EXOSC6: variants seen among roughly 807,000 people sequenced by gnomAD.
The protein encoded by EXOSC6 is exosome component 6.
A neutral mutation model predicts 16.7 loss-of-function variants in EXOSC6; 21 were observed. The observed-to-expected ratio is 1.26, with a 90% CI of 0.89 to 1.82. EXOSC6 has a LOEUF of 1.82. Ranked by LOEUF, EXOSC6 falls within the 40% of genes most tolerant of loss-of-function variation. The probability of loss-of-function intolerance (pLI) is 0.00; values close to 1 mark genes in which losing one functional copy is unlikely to be tolerated. For synonymous variants in EXOSC6, 297 were observed against 217.1 expected, an observed-to-expected ratio of 1.37 and a Z score of -3.24; for missense variants, 538 against 415.7, an observed-to-expected ratio of 1.29 and a Z score of -2.56.
In EXOSC6 at chr16:70,250,874, G is replaced by C. The variant is rs1230894830; in HGVS notation, c.*208C>G. 2.1e-5 allele frequency: 11 copies of C among 515,138 alleles called. No individual in the cohort carries two copies. Among genetic ancestry groups the C allele is most frequent in the Non-Finnish European group, 3.1e-5 (10 of 319,800 alleles). The allele number at this position is 515,138 out of a possible 1,614,324, so 31.9% of individuals were successfully genotyped here. A position where few individuals can be genotyped will look rare whatever the true frequency, so the allele number is the denominator to read the frequency against. On this transcript the variant is annotated 3_prime_UTR_variant, in exon 1 of 1. Coordinates refer to ENST00000435634, the MANE Select transcript of EXOSC6 (RefSeq NM_058219.3). ...AGCTCCACCACAAGCGCAGCTCCAG[G>C]GGCTGTTGAGTTTTGCCTTTATCAT...
chr16:70,247,368 T>A lies in EXOSC6; in HGVS notation c.*3714A>T, dbSNP rs547081444. The A allele has an allele frequency of 6.6e-5, 10 of 152,664 alleles. No homozygotes were observed. The highest frequency in any genetic ancestry group is 8.8e-5 in the Non-Finnish European group (6 of 68,340). The allele number at this position is 152,664 out of a possible 1,614,324, so 9.5% of individuals were successfully genotyped here. On this transcript the variant is annotated 3_prime_UTR_variant, in exon 1 of 1. Coordinates refer to ENST00000435634, the MANE Select transcript of EXOSC6 (RefSeq NM_058219.3). ...TAACATTAGTCCTTAATAACATCTG[T>A]TTACAATATCCCTAAATGCTCTCTT...
chr16:70,248,771 C>CTTTTTTTTTTTTTTT lies in EXOSC6; in HGVS notation c.*2296_*2310dup, dbSNP rs35401075. The CTTTTTTTTTTTTTTT allele has an allele frequency of 1.0e-5, 1 of 98,134 alleles. No homozygotes were observed. The highest frequency in any genetic ancestry group is 2.1e-5 in the Non-Finnish European group (1 of 47,484). The allele number at this position is 98,134 out of a possible 1,614,324, so 6.1% of individuals were successfully genotyped here. A position where few individuals can be genotyped will look rare whatever the true frequency, so the allele number is the denominator to read the frequency against. ...CACCATGCCTGACTTATTTTTTTTC[C>CTTTTTTTTTTTTTTT]TTTTTTTTTTTTTTTTTTTTTTTTG... On this transcript the variant is annotated 3_prime_UTR_variant, in exon 1 of 1. Transcript: ENST00000435634.
rs1000234239 is a variant in EXOSC6, at chr16:70,248,139, C to T, written c.*2943G>A. 2 of 152,134 alleles carry T rather than the reference C, an allele frequency of 1.3e-5. No homozygotes were observed. Among genetic ancestry groups the T allele is most frequent in the African/African-American group, 2.4e-5 (1 of 41,440 alleles). The allele number at this position is 152,134 out of a possible 1,614,324, so 9.4% of individuals were successfully genotyped here. On this transcript the variant is annotated 3_prime_UTR_variant, in exon 1 of 1. Transcript: ENST00000435634. ...GGCACAGACTATCAATGCTAAAAATCATTTAAAAGACATCTTAGGGGTAAT... is the reference window on the plus strand; with the variant it reads ...GGCACAGACTATCAATGCTAAAAATTATTTAAAAGACATCTTAGGGGTAAT...
chr16:70,250,149 TTA>T lies in EXOSC6; in HGVS notation c.*931_*932del, dbSNP rs1959774425. On this transcript the variant is annotated 3_prime_UTR_variant, in exon 1 of 1. Coordinates refer to ENST00000435634, the MANE Select transcript of EXOSC6 (RefSeq NM_058219.3). ...AATAATAATAATAATAATAATGGTT[TTA>T]TATATATGCATACACAAGCAAAGCC... The T allele has an allele frequency of 6.6e-6, 1 of 151,632 alleles. No homozygotes were observed. Among genetic ancestry groups the T allele is most frequent in the South Asian group, 2.1e-4 (1 of 4,810 alleles). 9.4% of individuals were successfully genotyped at this position (151,632 alleles called of 1,614,324 possible). A position where few individuals can be genotyped will look rare whatever the true frequency, so the allele number is the denominator to read the frequency against.
In EXOSC6 at chr16:70,251,503, GC is replaced by G; in HGVS notation, c.397del (p.Ala133LeufsTer87). 7.8e-7 allele frequency: 1 copy of G among 1,288,550 alleles called. No individual in the cohort carries two copies. Among genetic ancestry groups the G allele is most frequent in the Non-Finnish European group, 9.9e-7 (1 of 1,015,152 alleles). 79.8% of individuals were successfully genotyped at this position (1,288,550 alleles called of 1,614,324 possible). ...ALALQEALEP[A>X]VRLGRYPRAQ... Reference sequence around the variant, plus strand: ...GCGCGGGTAGCGGCCCAGGCGCACAGCCGGCTCCAGCGCCTCCTGCAGCGCC... The same window carrying G: ...GCGCGGGTAGCGGCCCAGGCGCACAGCGGCTCCAGCGCCTCCTGCAGCGCC... On this transcript the variant is annotated frameshift_variant, in exon 1 of 1. Coordinates refer to ENST00000435634, the MANE Select transcript of EXOSC6 (RefSeq NM_058219.3). LOFTEE classifies it high-confidence loss of function.
rs35401075 is a variant in EXOSC6 at position 70,248,771 on chromosome 16, C to CTTTTTTTT, written c.*2303_*2310dup. The CTTTTTTTT allele has an allele frequency of 3.1e-5, 3 of 98,136 alleles. No homozygotes were observed. The highest frequency in any genetic ancestry group is 4.2e-5 in the Non-Finnish European group (2 of 47,486). 6.1% of individuals were successfully genotyped at this position (98,136 alleles called of 1,614,324 possible). On this transcript the variant is annotated 3_prime_UTR_variant, in exon 1 of 1. Transcript: ENST00000435634. ...CACCATGCCTGACTTATTTTTTTTC[C>CTTTTTTTT]TTTTTTTTTTTTTTTTTTTTTTTTG...
chr16:70,251,577 G>C lies in EXOSC6; in HGVS notation c.324C>G (p.Arg108=). 1 of 1,099,914 alleles carries C rather than the reference G, an allele frequency of 9.1e-7. No individual in the cohort carries two copies. Among genetic ancestry groups the C allele is most frequent in the Middle Eastern group, 3.9e-4 (1 of 2,536 alleles). 68.1% of individuals were successfully genotyped at this position (1,099,914 alleles called of 1,614,324 possible). Residue 108 remains arginine (R), a synonymous_variant, in exon 1 of 1, where the codon CGC becomes CGG. Coordinates refer to ENST00000435634, the MANE Select transcript of EXOSC6 (RefSeq NM_058219.3). The part of the protein sequence containing the change: ...CDFRRAPFAG[R]RRRAPPGGCE... ...AGCCGCCCGGGGGAGCGCGGCGCCG[G>C]CGGCCCGCGAAGGGTGCGCGGCGGA...
In EXOSC6 at chr16:70,251,639, CCT is replaced by C; in HGVS notation, c.260_261del (p.Glu87GlyfsTer34). 1 of 1,131,400 alleles carries C rather than the reference CCT, an allele frequency of 8.8e-7. No homozygotes were observed. The highest frequency in any genetic ancestry group is 1.1e-6 in the Non-Finnish European group (1 of 926,148). The allele number at this position is 1,131,400 out of a possible 1,614,324, so 70.1% of individuals were successfully genotyped here. The stretch of plus-strand genomic sequence containing the variant: ...AGGCGACCGCGCAGCGCGGCCGGGG[CCT>C]CGCCGCCTGCTCCGGCCGGGCCGCC... ...RGGGPAGAGG[E>X]APAALRGRLL... On this transcript the variant is annotated frameshift_variant, in exon 1 of 1. Coordinates refer to ENST00000435634, the MANE Select transcript of EXOSC6 (RefSeq NM_058219.3). LOFTEE classifies it high-confidence loss of function.
In EXOSC6 at chr16:70,251,653, C is replaced by G; in HGVS notation, c.248G>C (p.Gly83Ala). 1 of 1,191,060 alleles carries G rather than the reference C, an allele frequency of 8.4e-7. No individual in the cohort carries two copies. The highest frequency in any genetic ancestry group is 1.0e-6 in the Non-Finnish European group (1 of 963,984). The allele number at this position is 1,191,060 out of a possible 1,614,324, so 73.8% of individuals were successfully genotyped here. ...EGGERGGGPAGAGGEAPAALR... is the reference protein window; with the variant it reads ...EGGERGGGPAAAGGEAPAALR... ...CGCGGCCGGGGCCTCGCCGCCTGCTCCGGCCGGGCCGCCGCCGCGCTCGCC... is the reference window on the plus strand; with the variant it reads ...CGCGGCCGGGGCCTCGCCGCCTGCTGCGGCCGGGCCGCCGCCGCGCTCGCC... The change falls in exon 1 of 1, where the codon GGA becomes GCA. Residue 83 changes from glycine to alanine, a missense_variant. Coordinates refer to ENST00000435634, the MANE Select transcript of EXOSC6 (RefSeq NM_058219.3).
chr16:70,251,635 G>C lies in EXOSC6; in HGVS notation c.266C>G (p.Pro89Arg). The C allele has an allele frequency of 1.8e-6, 2 of 1,114,064 alleles. No homozygotes were observed. The highest frequency in any genetic ancestry group is 1.1e-6 in the Non-Finnish European group (1 of 915,238). The allele number at this position is 1,114,064 out of a possible 1,614,324, so 69.0% of individuals were successfully genotyped here. Reference protein sequence around the residue: ...GGPAGAGGEAPAALRGRLLCD... With the variant: ...GGPAGAGGEARAALRGRLLCD... ...GAGCAGGCGACCGCGCAGCGCGGCC[G>C]GGGCCTCGCCGCCTGCTCCGGCCGG... Residue 89 changes from proline (P) to arginine (R), a missense_variant, in exon 1 of 1, where the codon CCG becomes CGG. Physicochemically the swap from Pro to Arg is moderately radical, Grantham distance 103 (BLOSUM62 -2). Coordinates refer to ENST00000435634, the MANE Select transcript of EXOSC6 (RefSeq NM_058219.3).
Position 70,251,119 on chromosome 16 carries a change from C to A in EXOSC6, c.782G>T (p.Arg261Leu), listed in dbSNP as rs772148824. 1.3e-6 allele frequency: 2 copies of A among 1,512,320 alleles called. No homozygotes were observed. The highest frequency in any genetic ancestry group is 8.7e-7 in the Non-Finnish European group (1 of 1,142,934). 93.7% of individuals were successfully genotyped at this position (1,512,320 alleles called of 1,614,324 possible). ...LYPVLQQSLV[R>L]AARRRGAAAQ... Reference sequence around the variant, plus strand: ...GGCGGCGCCCCTGCGGCGGGCGGCCCGCACCAGGCTCTGCTGCAGCACGGG... The same window carrying A: ...GGCGGCGCCCCTGCGGCGGGCGGCCAGCACCAGGCTCTGCTGCAGCACGGG... Residue 261 changes from arginine (R) to leucine (L), a missense_variant, in exon 1 of 1, where the codon CGG becomes CTG. Coordinates refer to ENST00000435634, the MANE Select transcript of EXOSC6 (RefSeq NM_058219.3).
chr16:70,250,971 G>C lies in EXOSC6; in HGVS notation c.*111C>G, dbSNP rs975360000. 10 of 1,345,686 alleles carry C rather than the reference G, an allele frequency of 7.4e-6. No individual in the cohort carries two copies. Among genetic ancestry groups the C allele is most frequent in the Non-Finnish European group, 9.7e-6 (10 of 1,030,360 alleles). The allele number at this position is 1,345,686 out of a possible 1,614,324, so 83.4% of individuals were successfully genotyped here. On this transcript the variant is annotated 3_prime_UTR_variant, in exon 1 of 1. Coordinates refer to ENST00000435634, the MANE Select transcript of EXOSC6 (RefSeq NM_058219.3). ...GGTCAGTCCAACCACAGTCATATCA[G>C]GGCCCTTCCAGGAATTCTCGACGCA...
rs1243109856 is a variant in EXOSC6 at position 70,246,826 on chromosome 16, C to G, written c.*4256G>C. 1.8e-6 allele frequency: 1 copy of G among 571,102 alleles called. No individual in the cohort carries two copies. The highest frequency in any genetic ancestry group is 3.3e-5 in the Admixed American group (1 of 30,654). 35.4% of individuals were successfully genotyped at this position (571,102 alleles called of 1,614,324 possible). On this transcript the variant is annotated 3_prime_UTR_variant, in exon 1 of 1. Coordinates refer to ENST00000435634, the MANE Select transcript of EXOSC6 (RefSeq NM_058219.3). ...TATTTTCTTCAAATATTTTAAGGTA[C>G]GAACGTCAGAAATAAAAATGCAGCA...
Position 70,251,672 on chromosome 16 carries a change from G to GCTCGCCGCC in EXOSC6, c.220_228dup (p.Gly74_Glu76dup). 1 of 1,233,010 alleles carries GCTCGCCGCC rather than the reference G, an allele frequency of 8.1e-7. No homozygotes were observed. Among genetic ancestry groups the GCTCGCCGCC allele is most frequent in the Non-Finnish European group, 1.0e-6 (1 of 990,648 alleles). The allele number at this position is 1,233,010 out of a possible 1,614,324, so 76.4% of individuals were successfully genotyped here. On this transcript the variant is annotated inframe_insertion, in exon 1 of 1. Coordinates refer to ENST00000435634, the MANE Select transcript of EXOSC6 (RefSeq NM_058219.3). ...CCTGCTCCGGCCGGGCCGCCGCCGC[G>GCTCGCCGCC]CTCGCCGCCCTCGGCCTGTCGCGGG...
Position 70,251,294 on chromosome 16 carries a change from C to T in EXOSC6, c.607G>A (p.Glu203Lys). Residue 203 changes from glutamate (E) to lysine (K), a missense_variant, in exon 1 of 1, where the codon GAG becomes AAG. Transcript: ENST00000435634. ...AGGCCGGCGGCGGCGCGCTCTTCCT[C>T]GAGCCGCGTGGGGTCCAGGAGCCAG... is the stretch of plus-strand genomic sequence containing the variant. Reference protein sequence around the residue: ...PTWLLDPTRLEEERAAAGLTV... With the variant: ...PTWLLDPTRLKEERAAAGLTV... 1.4e-6 allele frequency: 2 copies of T among 1,424,984 alleles called. No homozygotes were observed. Among genetic ancestry groups the T allele is most frequent in the East Asian group, 3.0e-5 (1 of 33,146 alleles). 88.3% of individuals were successfully genotyped at this position (1,424,984 alleles called of 1,614,324 possible).
Position 70,251,184 on chromosome 16 carries a change from CT to C in EXOSC6, c.716del (p.Glu239GlyfsTer39). The C allele has an allele frequency of 6.6e-7, 1 of 1,519,482 alleles. No individual in the cohort carries two copies. Among genetic ancestry groups the C allele is most frequent in the Non-Finnish European group, 8.8e-7 (1 of 1,141,872 alleles). The allele number at this position is 1,519,482 out of a possible 1,614,324, so 94.1% of individuals were successfully genotyped here. ...GEGGLTESWA[E>X]AVRLGLEGCQ... The stretch of plus-strand genomic sequence containing the variant: ...AGCCCTCGAGGCCCAGGCGTACGGC[CT>C]CCGCCCAGCTCTCTGTCAGGCCGCC... On this transcript the variant is annotated frameshift_variant, in exon 1 of 1. Coordinates refer to ENST00000435634, the MANE Select transcript of EXOSC6 (RefSeq NM_058219.3). LOFTEE classifies it high-confidence loss of function.
rs559236293 is a variant in EXOSC6, at chr16:70,249,128, G to A, written c.*1954C>T. 6.6e-5 allele frequency: 10 copies of A among 151,966 alleles called. No individual in the cohort carries two copies. Among genetic ancestry groups the A allele is most frequent in the Admixed American group, 3.9e-4 (6 of 15,244 alleles). The allele number at this position is 151,966 out of a possible 1,614,324, so 9.4% of individuals were successfully genotyped here. A position where few individuals can be genotyped will look rare whatever the true frequency, so the allele number is the denominator to read the frequency against. On this transcript the variant is annotated 3_prime_UTR_variant, in exon 1 of 1. Transcript: ENST00000435634. Reference sequence around the variant, plus strand: ...TCAATGATCTTTTAGGCCAGGTGTGGTGGCTCATGATAGTAATCACAGTAC... The same window carrying A: ...TCAATGATCTTTTAGGCCAGGTGTGATGGCTCATGATAGTAATCACAGTAC...
Position 70,251,920 on chromosome 16 carries a change from A to C in EXOSC6, c.-20T>G. On this transcript the variant is annotated 5_prime_UTR_variant, in exon 1 of 1. Transcript: ENST00000435634. ...AGGCATGGCGGTTCTTGGCGTGCGA[A>C]CCCCTTCCGCCCAACGCCCTGCCGC... The C allele has an allele frequency of 6.7e-7, 1 of 1,488,760 alleles. No individual in the cohort carries two copies. Among genetic ancestry groups the C allele is most frequent in the East Asian group, 2.8e-5 (1 of 35,624 alleles). 92.2% of individuals were successfully genotyped at this position (1,488,760 alleles called of 1,614,324 possible).
Position 70,250,105 on chromosome 16 carries a change from C to G in EXOSC6, c.*977G>C, listed in dbSNP as rs140076026. ...GACTATTCACAGAACCAAATAAAAG[C>G]CTTCCACTAGAAACTAAAAATAATA... On this transcript the variant is annotated 3_prime_UTR_variant, in exon 1 of 1. Transcript: ENST00000435634. The G allele has an allele frequency of 6.6e-6, 1 of 150,402 alleles. No homozygotes were observed. The highest frequency in any genetic ancestry group is 2.4e-5 in the African/African-American group (1 of 41,314). 9.3% of individuals were successfully genotyped at this position (150,402 alleles called of 1,614,324 possible).
Sources: allele counts gnomAD v4.1 joint callset, GRCh38; gene constraint gnomAD v4.1.1; transcripts MANE v1.5; gene names NCBI Gene and HGNC (gene_info 2026-07-23, HGNC 2026-07-21).